The following TMEM108 variants were observed in gnomAD, a reference collection of about 807,000 sequenced individuals.
TMEM108 encodes the protein cancer/testis antigen 124.
A neutral mutation model predicts 35.1 loss-of-function variants in TMEM108; 12 were observed. That is an observed-to-expected ratio of 0.34 (90% CI 0.22 to 0.55). The LOEUF (loss-of-function observed/expected upper bound fraction) is 0.55, where lower values mean the gene tolerates loss of function less well. Ranked by LOEUF, TMEM108 falls within the 20% of genes least tolerant of loss-of-function variation. The probability of loss-of-function intolerance (pLI) is 0.89; values close to 1 mark genes in which losing one functional copy is unlikely to be tolerated. For synonymous variants in TMEM108, 287 were observed against 308.6 expected, an observed-to-expected ratio of 0.93 and a Z score of 0.73; for missense variants, 680 against 753.3, an observed-to-expected ratio of 0.90 and a Z score of 1.14.
chr3:133,358,576 C>A (rs942868066), intron 3 of TMEM108, among the ~76,000 whole-genome samples: 1 of 152,100 alleles, frequency 6.6e-6, no homozygotes, highest in African/African-American at 2.4e-5. Context: ...TGCCTTCGTC[C>A]AGTGCTCCAG....
rs1943461184 is a variant in TMEM108, at chr3:133,056,011, T to G, written c.-47+9991T>G. On this transcript the variant is annotated intron_variant, in intron 2 of 5. Transcript: ENST00000321871. ...ATCCCATATTAATACAGTCCTGGATTTTAACTTTTGGTTTCCTCTGGTGTT... is the reference window on the plus strand; with the variant it reads ...ATCCCATATTAATACAGTCCTGGATGTTAACTTTTGGTTTCCTCTGGTGTT... 2.0e-5 allele frequency among the ~76,000 whole-genome samples: 3 copies of G among 152,194 alleles called. 1 individual carries two copies. Among genetic ancestry groups the G allele is most frequent in the Admixed American group, 2.0e-4 (3 of 15,268 alleles).
chr3:133,200,257 A>G (rs1166995594), intron 2 of TMEM108, among the ~76,000 whole-genome samples: 1 of 152,142 alleles, frequency 6.6e-6, no homozygotes, highest in Non-Finnish European at 1.5e-5. Flanking sequence ...TATGCTCGGT[A>G]GGCTGCACCC....
chr3:133,243,794 G>C (rs576642059), intron 3 of TMEM108, among the ~76,000 whole-genome samples: 1 of 152,098 alleles, frequency 6.6e-6, no homozygotes, highest in East Asian at 1.9e-4. Context: ...AAAGTGCTGG[G>C]ATTACAGGCA....
At chr3:133,154,330 T>G (rs1944845611) in intron 2 of TMEM108, among the ~76,000 whole-genome samples, 2 of 152,116 alleles carry the variant, frequency 1.3e-5, no homozygotes, top group Admixed American at 1.3e-4. Context: ...TTTGTTGCCA[T>G]TGCTTTTGGT....
chr3:133,370,671 C>G (rs2072632821), intron 3 of TMEM108, among the ~76,000 whole-genome samples: 1 of 152,136 alleles, frequency 6.6e-6, no homozygotes, highest in African/African-American at 2.4e-5. Context: ...ACCTTTTCAT[C>G]CATCTAATTT....
chr3:133,214,536 A>G (rs1945878647), intron 2 of TMEM108, among the ~76,000 whole-genome samples: 1 of 152,062 alleles, frequency 6.6e-6, no homozygotes, highest in Non-Finnish European at 1.5e-5. Flanking sequence ...CGGAAATCTC[A>G]TGTTCTGTCT....
intron 4 of TMEM108, among the ~76,000 whole-genome samples, chr3:133,381,548 G>A (rs763891033): frequency 6.6e-6 from 1 of 152,202 alleles, no homozygotes; most frequent in African/African-American, 2.4e-5. Flanking sequence ...CCCTTGTCAT[G>A]ACACCACTCT....
intron 3 of TMEM108, among the ~76,000 whole-genome samples, chr3:133,377,940 A>G (rs1416308635): frequency 6.6e-6 from 1 of 152,164 alleles, no homozygotes; most frequent in Non-Finnish European, 1.5e-5. Flanking sequence ...CGTGCTCCTG[A>G]TGAGAATTGA....
chr3:133,273,067 G>T (rs983595360), intron 3 of TMEM108, among the ~76,000 whole-genome samples: 22 of 152,128 alleles, frequency 1.4e-4, no homozygotes, highest in African/African-American at 5.3e-4. Flanking sequence ...ACATTTAGGG[G>T]TGGGTCACAA....
chr3:133,185,707 C>T (rs1334127697), intron 2 of TMEM108, among the ~76,000 whole-genome samples: 1 of 151,738 alleles, frequency 6.6e-6, no homozygotes, highest in Non-Finnish European at 1.5e-5. Context: ...AACTTGCACC[C>T]AAGAATGAGC....
At chr3:133,074,688 C>T (rs532620639) in intron 2 of TMEM108, among the ~76,000 whole-genome samples, 32 of 152,276 alleles carry the variant, frequency 2.1e-4, no homozygotes, top group African/African-American at 7.2e-4. Context: ...GGGGTTTTGC[C>T]ATGTTGGCCA....
chr3:133,156,679 G>T (rs1944886249), intron 2 of TMEM108, among the ~76,000 whole-genome samples: 1 of 152,202 alleles, frequency 6.6e-6, no homozygotes, highest in Admixed American at 6.5e-5. Context: ...ATTGTCATTT[G>T]TGATGTACAA....
intron 2 of TMEM108, among the ~76,000 whole-genome samples, chr3:133,228,752 T>C (rs184256576): frequency 2.0e-5 from 3 of 152,336 alleles, no homozygotes; most frequent in Admixed American, 2.0e-4. Context: ...TGTTTATTTT[T>C]ATCTGTATTT....
intron 2 of TMEM108, among the ~76,000 whole-genome samples, chr3:133,228,596 G>T (rs1056546248): frequency 2.0e-5 from 3 of 152,048 alleles, no homozygotes; most frequent in Admixed American, 2.0e-4. Flanking sequence ...TATTTCTGCT[G>T]CTAAGGAGAA....
chr3:133,327,601 C>T (rs1262169428), intron 3 of TMEM108, among the ~76,000 whole-genome samples: 1 of 152,178 alleles, frequency 6.6e-6, no homozygotes, highest in Admixed American at 6.5e-5. Flanking sequence ...GCTGCCACCT[C>T]AGACTGGTGT....
rs532437866 is a variant in TMEM108 at position 133,200,491 on chromosome 3, G to A, written c.-46-28775G>A. Among the ~76,000 whole-genome samples, 5 of 152,218 alleles carry A rather than the reference G, an allele frequency of 3.3e-5. No homozygotes were observed. The South Asian group carries it at 1.0e-3, about 32-fold the overall frequency. ...TCTCACAGTGGCCATGATGTCCATG[G>A]GTTAAACACCACTTTGTCCCTGGTC... is the stretch of plus-strand genomic sequence containing the variant. On this transcript the variant is annotated intron_variant, in intron 2 of 5. Transcript: ENST00000321871.
intron 3 of TMEM108, among the ~76,000 whole-genome samples, chr3:133,276,325 C>G (rs1344414661): frequency 2.6e-5 from 4 of 152,172 alleles, no homozygotes; most frequent in Non-Finnish European, 5.9e-5. Context: ...GGAAGACTTT[C>G]TCATCTTGTA....
chr3:133,319,681 T>C (rs1412488481), intron 3 of TMEM108, among the ~76,000 whole-genome samples: 1 of 152,166 alleles, frequency 6.6e-6, no homozygotes, highest in Non-Finnish European at 1.5e-5. Context: ...TTGGGAGACC[T>C]GAAGATGGAT....
At chr3:133,074,500 T>G (rs1943716752) in intron 2 of TMEM108, 1 of 152,214 alleles carries the variant, frequency 6.6e-6, no homozygotes, top group Non-Finnish European at 1.5e-5. Context: ...TTTTTTTGTT[T>G]GTTTTTTGAG....
Sources: gnomAD v4.1 joint callset for allele counts (sites outside exome capture counted in the v4.1 genomes callset) on GRCh38, gnomAD v4.1.1 for gene constraint, MANE v1.5 for transcripts, NCBI Gene and HGNC (gene_info 2026-07-23, HGNC 2026-07-21) for gene names.